Variants in SYNPO2 observed in about 807,000 individuals in gnomAD.
SYNPO2 encodes the protein synaptopodin-2.
Under a neutral mutation model 85.0 loss-of-function variants are expected in SYNPO2, and 56 were observed. That is an observed-to-expected ratio of 0.66 (90% confidence interval 0.53 to 0.82). The LOEUF (loss-of-function observed/expected upper bound fraction) is 0.82, where lower values mean the gene tolerates loss of function less well. SYNPO2 is among the 40% of genes least tolerant of loss of function. The pLI is 0.00. For synonymous variants in SYNPO2, 602 were observed against 591.1 expected, an observed-to-expected ratio of 1.02 and a Z score of -0.27; for missense variants, 1,575 against 1,534.2, an observed-to-expected ratio of 1.03 and a Z score of -0.44.
chr4:119,027,064 A>C lies in SYNPO2; in HGVS notation c.695A>C (p.Asn232Thr), dbSNP rs765119616. 29 of 1,613,966 alleles carry C rather than the reference A, an allele frequency of 1.8e-5. No homozygotes were observed. Among genetic ancestry groups the C allele is most frequent in the Non-Finnish European group, 2.2e-5 (26 of 1,180,028 alleles). Residue 232 changes from asparagine (N) to threonine (T), a missense_variant, in exon 3 of 5, where the codon AAC becomes ACC. By Grantham distance (65) the Asn-to-Thr change is moderately conservative. Around this residue, in one of 3 missense-constraint regions of SYNPO2, gnomAD observed 1,508 missense variants for 1,446.8 expected, o/e 1.04. Coordinates refer to ENST00000307142, the MANE Select transcript of SYNPO2 (RefSeq NM_133477.3). Reference protein sequence around the residue: ...EKSKSPDPDPNLSHDRIVHIN... With the variant: ...EKSKSPDPDPTLSHDRIVHIN... ...TCTAAGTCTCCTGACCCAGACCCTAACTTGTCACATGACAGGATTGTCCAC... is the reference window on the plus strand; with the variant it reads ...TCTAAGTCTCCTGACCCAGACCCTACCTTGTCACATGACAGGATTGTCCAC...
At chr4:118,952,098 G>C (rs1221493112) in intron 1 of SYNPO2, among the ~76,000 whole-genome samples, 2 of 152,176 alleles carry the variant, frequency 1.3e-5, no homozygotes, top group Non-Finnish European at 2.9e-5. Flanking sequence ...AGGGTTATGA[G>C]AGAAGTGCAT....
chr4:119,040,319 G>A (rs187173005), intron 4 of SYNPO2, among the ~76,000 whole-genome samples: 4 of 152,252 alleles, frequency 2.6e-5, no homozygotes, highest in African/African-American at 7.2e-5. Context: ...AAGGAGTGTC[G>A]CTATAAATTT....
At chr4:118,933,829 G>GTT (rs71595334) in intron 1 of SYNPO2, among the ~76,000 whole-genome samples, 6 of 102,318 alleles carry the variant, frequency 5.9e-5, no homozygotes, top group Non-Finnish European at 1.2e-4. Flanking sequence ...TGTTGTTGTT[G>GTT]TTTTTTTTTT....
chr4:118,932,393 C>T (rs1647284797), intron 1 of SYNPO2, among the ~76,000 whole-genome samples: 1 of 152,154 alleles, frequency 6.6e-6, no homozygotes, highest in Non-Finnish European at 1.5e-5. Flanking sequence ...GAGTTTTGAG[C>T]TTGTAAACTT....
At chr4:119,008,021 G>C (rs1737146296) in intron 1 of SYNPO2, among the ~76,000 whole-genome samples, 1 of 152,136 alleles carries the variant, frequency 6.6e-6, no homozygotes, top group African/African-American at 2.4e-5. Context: ...AAACACAAAT[G>C]GGAGACTAAA....
Position 119,027,187 on chromosome 4 carries a change from A to T in SYNPO2, c.818A>T (p.Glu273Val). 1 of 1,614,164 alleles carries T rather than the reference A, an allele frequency of 6.2e-7. No homozygotes were observed. ...GGCAGAGAGTTGAGAGTGATCCAGG[A>T]AAGTGAAGCAGGAGATGCGGGACTG... ...SSGRELRVIQ[E>V]SEAGDAGLPR... The change falls in exon 3 of 5, where the codon GAA becomes GTA. Residue 273 changes from glutamate to valine, a missense_variant. Transcript: ENST00000307142.
At chr4:118,935,871 A>G (rs1446919928) in intron 1 of SYNPO2, among the ~76,000 whole-genome samples, 3 of 152,208 alleles carry the variant, frequency 2.0e-5, no homozygotes, top group Non-Finnish European at 4.4e-5. Context: ...AATCATTACA[A>G]AGGTTTTCAC....
At chr4:118,879,270 A>G (rs538587726) in intron 1 of SYNPO2, among the ~76,000 whole-genome samples, 26 of 152,306 alleles carry the variant, frequency 1.7e-4, no homozygotes, top group Admixed American at 1.6e-3. Context: ...GGAATGAACC[A>G]ATTCTGAACA....
intron 1 of SYNPO2, among the ~76,000 whole-genome samples, chr4:118,984,755 G>A (rs974321411): frequency 1.3e-5 from 2 of 152,138 alleles, no homozygotes; most frequent in African/African-American, 4.8e-5. Flanking sequence ...GTCTATCAAA[G>A]TCAGCCTGGT....
intron 1 of SYNPO2, among the ~76,000 whole-genome samples, chr4:118,879,468 A>C (rs773202374): frequency 6.5e-4 from 99 of 152,282 alleles, no homozygotes; most frequent in Non-Finnish European, 1.3e-3. Context: ...TGCCCCTGTA[A>C]GACGAGAGAC....
Position 119,027,009 on chromosome 4 carries a change from C to T in SYNPO2, c.640C>T (p.Pro214Ser), listed in dbSNP as rs528645561. 2 of 1,614,094 alleles carry T rather than the reference C, an allele frequency of 1.2e-6. No individual in the cohort carries two copies. Among genetic ancestry groups the T allele is most frequent in the East Asian group, 2.2e-5 (1 of 44,876 alleles). The change falls in exon 3 of 5, where the codon CCT becomes TCT. Residue 214 changes from proline to serine, a missense_variant. Pro to Ser is a moderately conservative substitution (Grantham distance 74). Around this residue, in one of 3 missense-constraint regions of SYNPO2, gnomAD observed 1,508 missense variants for 1,446.8 expected, o/e 1.04. Coordinates refer to ENST00000307142, the MANE Select transcript of SYNPO2 (RefSeq NM_133477.3). The part of the protein sequence containing the change: ...SQERHKGASG[P>S]LVALPGAEKS... ...GGAGAGACATAAGGGCGCTAGTGGC[C>T]CTTTAGTGGCTCTCCCGGGAGCTGA...
rs377193436 is a variant in SYNPO2, at chr4:118,904,075, T to C, written c.105+14934T>C. Among the ~76,000 whole-genome samples, 3 of 152,278 alleles carry C rather than the reference T, an allele frequency of 2.0e-5. No individual in the cohort carries two copies. In the East Asian group the frequency reaches 5.8e-4, roughly 29 times the overall value. On this transcript the variant is annotated intron_variant, in intron 1 of 4. Transcript: ENST00000307142. ...CTGTAATTAATTGCATATAATTCTG[T>C]TGAGCTCTATTTAGAGCAAATGGAC...
At position 119,007,253 on chromosome 4, in the gene SYNPO2, CATATATATATATATATATATATGT is replaced by C. The variant is rs1737094579; in HGVS notation, c.106-16171_106-16148del. 2.9e-4 allele frequency among the ~76,000 whole-genome samples: 11 copies of C among 38,148 alleles called. No individual in the cohort carries two copies. The Admixed American group carries it at 3.7e-3, about 13-fold the overall frequency. The allele number at this position is 38,148 out of a possible 152,430, so 25.0% of individuals were successfully genotyped here. ...ATATATATATATATATATGTATATA[CATATATATATATATATATATATGT>C]ATATACATATATATATATATGTATA... On this transcript the variant is annotated intron_variant, in intron 1 of 4. Transcript: ENST00000307142.
intron 3 of SYNPO2, among the ~76,000 whole-genome samples, chr4:119,027,702 A>G (rs1207213507): frequency 6.6e-6 from 1 of 152,220 alleles, no homozygotes; most frequent in Non-Finnish European, 1.5e-5. Flanking sequence ...CTGTTAAAGA[A>G]AATAATATTG....
At chr4:118,853,927 T>C (rs1477811177) in intron 1 of SYNPO2, among the ~76,000 whole-genome samples, 1 of 152,198 alleles carries the variant, frequency 6.6e-6, no homozygotes, top group Non-Finnish European at 1.5e-5. Context: ...CTGACGCTAT[T>C]GCAATAGCCA....
At position 119,031,497 on chromosome 4, in the gene SYNPO2, C is replaced by G. The variant is rs1738258620; in HGVS notation, c.2722C>G (p.Pro908Ala). 6.2e-7 allele frequency: 1 copy of G among 1,614,176 alleles called. No homozygotes were observed. The highest frequency in any genetic ancestry group is 1.1e-5 in the South Asian group (1 of 91,078). ...ARAQSPTPSL[P>A]ASWKYSSNVR... ...AGCTCAGTCTCCCACTCCATCTCTC[C>G]CGGCCAGTTGGAAGTACTCCTCCAA... The change falls in exon 4 of 5, where the codon CCG becomes GCG. Residue 908 changes from proline (P) to alanine (A), a missense_variant. Around this residue, in one of 3 missense-constraint regions of SYNPO2, gnomAD observed 1,508 missense variants for 1,446.8 expected, o/e 1.04. Coordinates refer to ENST00000307142, the MANE Select transcript of SYNPO2 (RefSeq NM_133477.3).
chr4:118,883,399 T>C (rs1374766800), intron 1 of SYNPO2, among the ~76,000 whole-genome samples: 1 of 152,210 alleles, frequency 6.6e-6, no homozygotes, highest in Non-Finnish European at 1.5e-5. Flanking sequence ...AAGCCAGGCA[T>C]AGGTAGCCAA....
chr4:118,886,344 C>G (rs1732198457), upstream of SYNPO2, among the ~76,000 whole-genome samples: 1 of 151,988 alleles, frequency 6.6e-6, no homozygotes, highest in African/African-American at 2.4e-5. Context: ...ACCTATCAAC[C>G]CGTCATCTAG....
At chr4:119,000,963 T>C (rs1321135824) in intron 1 of SYNPO2, among the ~76,000 whole-genome samples, 1 of 152,212 alleles carries the variant, frequency 6.6e-6, no homozygotes, top group Non-Finnish European at 1.5e-5. Flanking sequence ...TAGAGTTTCA[T>C]ATGAGTGCAG....
Sources: gnomAD v4.1 joint callset for allele counts (sites outside exome capture counted in the v4.1 genomes callset) on GRCh38, gnomAD v4.1.1 for gene constraint, gnomAD v4.1.1 regional missense constraint, MANE v1.5 for transcripts, NCBI Gene and HGNC (gene_info 2026-07-23, HGNC 2026-07-21) for gene names.